Variants in ZNF106 observed in about 807,000 individuals in gnomAD.
ZNF106 encodes the protein zinc finger protein 106, also known as SH3-domain binding protein 3.
ZNF106 carries 67 observed loss-of-function variants against 195.1 expected under a neutral mutation model. The observed-to-expected ratio is 0.34, with a 90% CI of 0.28 to 0.42. The LOEUF is 0.42. Ranked by LOEUF, ZNF106 falls within the 10% of genes least tolerant of loss-of-function variation. The pLI is 1.00. For missense variants in ZNF106, 2,118 were observed against 2,304.5 expected (o/e 0.92, Z 1.66); for synonymous variants, 784 against 818.6 (o/e 0.96, Z 0.72).
intron 4 of ZNF106, among the ~76,000 whole-genome samples, chr15:42,456,478 G>A (rs150175190): frequency 2.4e-3 from 365 of 152,026 alleles, no homozygotes; most frequent in African/African-American, 8.2e-3. Flanking sequence ...GTTAAACCTC[G>A]TCTCTACTAA....
chr15:42,471,334 T>A (rs956621175), intron 2 of ZNF106, among the ~76,000 whole-genome samples: 1 of 152,176 alleles, frequency 6.6e-6, no homozygotes, highest in African/African-American at 2.4e-5. Context: ...GCAAAGAGAA[T>A]AAATTCCTCA....
In ZNF106 at chr15:42,480,475, T is replaced by A. The variant is rs546340636; in HGVS notation, c.-32-8154A>T. 2.8e-4 allele frequency among the ~76,000 whole-genome samples: 42 copies of A among 152,380 alleles called. No individual in the cohort carries two copies. The South Asian group carries it at 8.7e-3, about 32-fold the overall frequency. ...TATATTTCATTAAAGTCAATGAAGT[T>A]ATTAATATAGTTGAATTAGATCTAC... On this transcript the variant is annotated intron_variant, in intron 1 of 21. Transcript: ENST00000564754.
chr15:42,446,527 G>T, intron 7 of ZNF106, 62 bp downstream of exon 7: 1 of 1,363,146 alleles, frequency 7.3e-7, no homozygotes, highest in Non-Finnish European at 1.0e-6. Flanking sequence ...CCAAAAACCC[G>T]CACCCCCCAA....
At chr15:42,463,017 T>C (rs1364277191) in intron 3 of ZNF106, among the ~76,000 whole-genome samples, 1 of 152,018 alleles carries the variant, frequency 6.6e-6, no homozygotes, top group Non-Finnish European at 1.5e-5. Context: ...CAGGTTGGTC[T>C]TGAATTCCTG....
At chr15:42,460,260 C>G (rs1311034165) in intron 3 of ZNF106, among the ~76,000 whole-genome samples, 1 of 152,094 alleles carries the variant, frequency 6.6e-6, no homozygotes, top group Non-Finnish European at 1.5e-5. Flanking sequence ...GAGAATCTGT[C>G]TAATGCTCAA....
intron 1 of ZNF106, among the ~76,000 whole-genome samples, chr15:42,486,731 G>A (rs2057023393): frequency 1.3e-5 from 2 of 152,054 alleles, no homozygotes; most frequent in Non-Finnish European, 2.9e-5. Flanking sequence ...TTGTTATTAT[G>A]CTGTTTTGCT....
At position 42,417,438 on chromosome 15, in the gene ZNF106, T is replaced by C. The variant is rs1039202419; in HGVS notation, c.5665-78A>G. ...AGAAAGTCAAAGCCAAGGAAAGCCA[T>C]GTGGGTCCATTCCACCTAGGATCCA... On this transcript the variant is annotated intron_variant, in intron 21 of 21. Coordinates refer to ENST00000564754, the MANE Select transcript of ZNF106 (RefSeq NM_001366845.3). 1.5e-5 allele frequency: 24 copies of C among 1,552,094 alleles called. No homozygotes were observed. In the East Asian group the frequency reaches 2.7e-4, roughly 17 times the overall value.
chr15:42,425,664 G>C (rs1254685824), intron 15 of ZNF106: 1 of 152,224 alleles, frequency 6.6e-6, no homozygotes, highest in Non-Finnish European at 1.5e-5. Flanking sequence ...ATCACACCTG[G>C]CTAATTTTTG....
chr15:42,461,732 G>A (rs1193714295), intron 3 of ZNF106, among the ~76,000 whole-genome samples: 1 of 152,124 alleles, frequency 6.6e-6, no homozygotes, highest in East Asian at 1.9e-4. Context: ...ACCAAAAACT[G>A]TAGACACAAC....
chr15:42,442,810 G>A (rs1463070122), intron 9 of ZNF106, among the ~76,000 whole-genome samples: 3 of 151,452 alleles, frequency 2.0e-5, no homozygotes, highest in African/African-American at 7.3e-5. Flanking sequence ...TTGAGACAGA[G>A]TCTCACTCTG....
intron 3 of ZNF106, chr15:42,457,551 G>A: frequency 2.9e-6 from 3 of 1,050,634 alleles, no homozygotes; most frequent in Non-Finnish European, 3.4e-6. Flanking sequence ...TGGTGACAGC[G>A]CTTACATTTA....
At chr15:42,453,049 T>C (rs145075031) in intron 4 of ZNF106, among the ~76,000 whole-genome samples, 147 of 152,286 alleles carry the variant, frequency 9.7e-4, no homozygotes, top group African/African-American at 3.3e-3. Flanking sequence ...CCATGATTTT[T>C]CCAGTTGTAG....
chr15:42,426,563 CTTTT>C (rs539711765), intron 15 of ZNF106, among the ~76,000 whole-genome samples: 6 of 115,740 alleles, frequency 5.2e-5, no homozygotes, highest in Non-Finnish European at 7.1e-5. Flanking sequence ...CCATACTTAG[CTTTT>C]TTTTTTTTTT....
chr15:42,440,997 A>AT (rs2055493982), intron 10 of ZNF106, among the ~76,000 whole-genome samples: 25 of 51,598 alleles, frequency 4.8e-4, no homozygotes, highest in African/African-American at 1.1e-3. Flanking sequence ...AAAAAAAAAA[A>AT]AATATATATA....
Position 42,475,907 on chromosome 15 carries a change from T to C in ZNF106, c.-32-3586A>G, listed in dbSNP as rs148481917. On this transcript the variant is annotated intron_variant, in intron 1 of 21. Coordinates refer to ENST00000564754, the MANE Select transcript of ZNF106 (RefSeq NM_001366845.3). ...CTCTGGTAGAAATTATAGCAGTTAC[T>C]GTGGAGTTTTTATATATTTACTTGG... Among the ~76,000 whole-genome samples the C allele has an allele frequency of 6.4e-3, 978 of 152,270 alleles. 5 individuals are homozygous for C. Among genetic ancestry groups the C allele is most frequent in the Middle Eastern group, 0.02 (6 of 294 alleles).
At chr15:42,472,613 C>A (rs905858250) in intron 1 of ZNF106, among the ~76,000 whole-genome samples, 1 of 152,192 alleles carries the variant, frequency 6.6e-6, no homozygotes, top group South Asian at 2.1e-4. Context: ...CATTACCCTA[C>A]TACTGAAACG....
At chr15:42,463,762 G>A (rs1437224468) in intron 3 of ZNF106, among the ~76,000 whole-genome samples, 1 of 151,984 alleles carries the variant, frequency 6.6e-6, no homozygotes. Context: ...ATCGTGCCAC[G>A]GCACCCCAGC....
rs2141404682 is a variant in ZNF106, at chr15:42,465,935, T to C, written c.116+118A>G. 5 of 763,894 alleles carry C rather than the reference T, an allele frequency of 6.5e-6. No homozygotes were observed. The East Asian group carries it at 1.5e-4, about 23-fold the overall frequency. The allele number at this position is 763,894 out of a possible 1,614,324, so 47.3% of individuals were successfully genotyped here. On this transcript the variant is annotated intron_variant, in intron 3 of 21. Coordinates refer to ENST00000564754, the MANE Select transcript of ZNF106 (RefSeq NM_001366845.3). Reference sequence around the variant, plus strand: ...CTTGGTATTAATTCTAAAAGGTTGTTCTACGCCATAAGACAACATTTGCTT... The same window carrying C: ...CTTGGTATTAATTCTAAAAGGTTGTCCTACGCCATAAGACAACATTTGCTT...
intron 10 of ZNF106, 99 bp downstream of exon 10, chr15:42,441,974 A>T: frequency 1.1e-6 from 1 of 899,048 alleles, no homozygotes; most frequent in Non-Finnish European, 1.7e-6. Context: ...GTACTTGCTC[A>T]TTTTAGTTTT....
Sources: gnomAD v4.1 joint callset for allele counts (sites outside exome capture counted in the v4.1 genomes callset) on GRCh38, gnomAD v4.1.1 for gene constraint, MANE v1.5 for transcripts, NCBI Gene and HGNC (gene_info 2026-07-23, HGNC 2026-07-21) for gene names.